The following TIAM1 variants were observed in gnomAD, a reference collection of about 807,000 sequenced individuals.
TIAM1 encodes rho guanine nucleotide exchange factor TIAM1.
TIAM1 carries 65 observed loss-of-function variants against 163.5 expected under a neutral mutation model. The observed-to-expected ratio is 0.40, with a 90% CI of 0.33 to 0.49. The LOEUF is 0.49. Among genes scored for constraint, TIAM1 ranks in the 20% least tolerant of loss-of-function variants. The probability of loss-of-function intolerance (pLI) is 0.77; values close to 1 mark genes in which losing one functional copy is unlikely to be tolerated. For synonymous variants in TIAM1, 833 were observed against 810.1 expected (o/e 1.03, Z -0.48); for missense variants, 1,789 against 2,044.7 (o/e 0.87, Z 2.41).
rs749186706 is a variant in TIAM1, at chr21:31,266,730, G to A, written c.243C>T (p.Thr81=). The change falls in exon 4 of 28, where the codon ACC becomes ACT. Residue 81 remains threonine, a synonymous_variant. Transcript: ENST00000541036. ...NGLEPFSQDG[T]LEDFGSPIWV... is the part of the protein sequence containing the mutation. Reference sequence around the variant, plus strand: ...AGATGGGGCTCCCGAAGTCTTCTAGGGTACCATCTTGGGAGAAGGGCTCCA... The same window carrying A: ...AGATGGGGCTCCCGAAGTCTTCTAGAGTACCATCTTGGGAGAAGGGCTCCA... The A allele has an allele frequency of 1.9e-6, 3 of 1,614,166 alleles. No homozygotes were observed. Among genetic ancestry groups the A allele is most frequent in the Non-Finnish European group, 2.5e-6 (3 of 1,180,046 alleles).
intron 1 of TIAM1, among the ~76,000 whole-genome samples, chr21:31,498,295 T>C (rs1182870601): frequency 6.6e-6 from 1 of 152,206 alleles, no homozygotes; most frequent in African/African-American, 2.4e-5. Context: ...CAGCCTAGAC[T>C]CACCACGTTA....
chr21:31,308,984 A>G (rs182740309), intron 2 of TIAM1, among the ~76,000 whole-genome samples: 1 of 151,686 alleles, frequency 6.6e-6, no homozygotes, highest in East Asian at 1.9e-4. Context: ...AGCAAATGCA[A>G]TTAGCTTGAA....
chr21:31,270,529 G>A (rs976651962), intron 3 of TIAM1, among the ~76,000 whole-genome samples: 1 of 152,094 alleles, frequency 6.6e-6, no homozygotes, highest in Non-Finnish European at 1.5e-5. Flanking sequence ...TAGGAGGGAG[G>A]GAGGACAAGC....
chr21:31,556,361 G>T (rs1475070259), intron 1 of TIAM1, among the ~76,000 whole-genome samples: 1 of 152,200 alleles, frequency 6.6e-6, no homozygotes, highest in Non-Finnish European at 1.5e-5. Flanking sequence ...GGGAACGGAA[G>T]AGACAGAGCG....
intron 6 of TIAM1, among the ~76,000 whole-genome samples, chr21:31,228,417 A>C (rs1259171596): frequency 6.6e-6 from 1 of 151,970 alleles, no homozygotes; most frequent in African/African-American, 2.4e-5. Context: ...GAATATATGC[A>C]TACCCTGTGA....
At chr21:31,379,136 T>A (rs2076736927) in intron 2 of TIAM1, among the ~76,000 whole-genome samples, 1 of 152,154 alleles carries the variant, frequency 6.6e-6, no homozygotes, top group Non-Finnish European at 1.5e-5. Context: ...CACACCCGGC[T>A]AATTTTTGTA....
At chr21:31,277,073 T>C (rs1422506550) in intron 2 of TIAM1, among the ~76,000 whole-genome samples, 165 bp from the exon 3 acceptor site, 2 of 152,206 alleles carry the variant, frequency 1.3e-5, no homozygotes. Flanking sequence ...CCATCTTAAA[T>C]AGGAGCTGGG....
intron 2 of TIAM1, among the ~76,000 whole-genome samples, chr21:31,281,669 T>C (rs893627274): frequency 1.3e-5 from 2 of 152,104 alleles, no homozygotes; most frequent in Non-Finnish European, 2.9e-5. Flanking sequence ...GGTAGATGAA[T>C]GGACAGATAA....
intron 2 of TIAM1, among the ~76,000 whole-genome samples, chr21:31,423,869 GGGGGT>G (rs2043684970): frequency 2.2e-4 from 28 of 127,688 alleles, no homozygotes; most frequent in African/African-American, 7.0e-4. Flanking sequence ...GGGGCGGGGG[GGGGGT>G]CAAGGGAGTT....
At chr21:31,365,481 C>T (rs980056977) in intron 2 of TIAM1, among the ~76,000 whole-genome samples, 4 of 151,020 alleles carry the variant, frequency 2.6e-5, no homozygotes, top group Non-Finnish European at 4.4e-5. Context: ...CTCTGCCTCC[C>T]GGGTTCACGC....
intron 2 of TIAM1, among the ~76,000 whole-genome samples, chr21:31,419,276 G>A (rs1283699712): frequency 6.6e-6 from 1 of 152,166 alleles, no homozygotes. Flanking sequence ...TTCATGTTAA[G>A]TAAAGTAAAA....
intron 2 of TIAM1, among the ~76,000 whole-genome samples, chr21:31,303,464 C>T (rs2074577233): frequency 6.6e-6 from 1 of 152,098 alleles, no homozygotes; most frequent in Non-Finnish European, 1.5e-5. Flanking sequence ...AGGGCTGTAT[C>T]TCAGCTTATT....
chr21:31,318,013 G>A (rs772028592), intron 2 of TIAM1, among the ~76,000 whole-genome samples: 1 of 152,204 alleles, frequency 6.6e-6, no homozygotes, highest in Non-Finnish European at 1.5e-5. Context: ...TTAGGTTACT[G>A]CACAATCACA....
At chr21:31,354,103 G>A (rs988385932) in intron 2 of TIAM1, among the ~76,000 whole-genome samples, 2 of 151,852 alleles carry the variant, frequency 1.3e-5, no homozygotes, top group Admixed American at 6.6e-5. Flanking sequence ...CTCCCAAAGT[G>A]CTGGATTATA....
chr21:31,412,619 T>A (rs2077378621), intron 2 of TIAM1, among the ~76,000 whole-genome samples: 1 of 151,390 alleles, frequency 6.6e-6, no homozygotes, highest in African/African-American at 2.4e-5. Flanking sequence ...CCATCTCTAC[T>A]AAAAATACAA....
intron 2 of TIAM1, among the ~76,000 whole-genome samples, chr21:31,355,233 C>T (rs995486312): frequency 2.0e-5 from 3 of 150,818 alleles, no homozygotes; most frequent in African/African-American, 7.3e-5. Context: ...GGTAGAAACA[C>T]ACACACAGAT....
At chr21:31,205,781 T>C (rs914592946) in intron 11 of TIAM1, among the ~76,000 whole-genome samples, 5 of 152,080 alleles carry the variant, frequency 3.3e-5, no homozygotes, top group African/African-American at 1.2e-4. Context: ...CTGGGTAACA[T>C]GGTGAAACCC....
intron 3 of TIAM1, among the ~76,000 whole-genome samples, chr21:31,267,217 C>A (rs1319321513): frequency 6.6e-6 from 1 of 152,138 alleles, no homozygotes; most frequent in Non-Finnish European, 1.5e-5. Flanking sequence ...GTGAAATGAG[C>A]TCATAAATAT....
At position 31,373,403 on chromosome 21, in the gene TIAM1, G is replaced by A. The variant is rs189959627; in HGVS notation, c.-368-33981C>T. Among the ~76,000 whole-genome samples the A allele has an allele frequency of 6.6e-5, 10 of 152,220 alleles. No individual in the cohort carries two copies. The East Asian group carries it at 1.9e-3, about 29-fold the overall frequency. On this transcript the variant is annotated intron_variant, in intron 2 of 28. Transcript: ENST00000286827. ...GCACTTACAGTTCCACATGGCTGGG[G>A]AGGCCTCAGAATCATGGCAGGAAGC...
Sources: allele counts gnomAD v4.1 joint callset (sites outside exome capture counted in the v4.1 genomes callset), GRCh38; gene constraint gnomAD v4.1.1; transcripts MANE v1.5; gene names NCBI Gene and HGNC (gene_info 2026-07-23, HGNC 2026-07-21).